The following PPARG variants were observed in gnomAD, a reference collection of about 807,000 sequenced individuals.
The protein encoded by PPARG is peroxisome proliferator activated receptor gamma, also known as peroxisome proliferator-activated receptor gamma.
PPARG carries 17 observed loss-of-function variants against 39.2 expected under a neutral mutation model. That is an observed-to-expected ratio of 0.43 (90% CI 0.30 to 0.65). PPARG has a LOEUF of 0.65. Among genes scored for constraint, PPARG ranks in the 30% least tolerant of loss-of-function variants. PPARG has a pLI of 0.13. For synonymous variants in PPARG, 223 were observed against 215.7 expected (o/e 1.03, Z -0.30); for missense variants, 406 against 585.9 (o/e 0.69, Z 3.17).
intron 2 of PPARG, among the ~76,000 whole-genome samples, chr3:12,347,631 G>A (rs914175421): frequency 5.9e-5 from 9 of 152,172 alleles, no homozygotes; most frequent in African/African-American, 2.2e-4. Context: ...GGAGAAGTGA[G>A]CTTGGCTGGT....
chr3:12,347,087 G>C (rs1002064225), intron 2 of PPARG, among the ~76,000 whole-genome samples: 1 of 151,994 alleles, frequency 6.6e-6, no homozygotes, highest in Non-Finnish European at 1.5e-5. Context: ...AGAGACTGAG[G>C]CAGGAGAATT....
intron 2 of PPARG, among the ~76,000 whole-genome samples, chr3:12,376,674 G>A (rs76594186): frequency 0.012 from 1,864 of 152,262 alleles, 15 homozygotes; most frequent in Non-Finnish European, 0.019. Context: ...AGAAGAAAAG[G>A]TAGGATGTAC....
At chr3:12,382,499 C>T (rs1041013424) in intron 4 of PPARG, among the ~76,000 whole-genome samples, 6 of 152,142 alleles carry the variant, frequency 3.9e-5, no homozygotes, top group East Asian at 1.9e-4. Flanking sequence ...TTTTATTCAA[C>T]GTAAAGATAC....
At chr3:12,297,734 G>A (rs1559483394) in intron 1 of PPARG, 1 of 152,052 alleles carries the variant, frequency 6.6e-6, no homozygotes, top group Non-Finnish European at 1.5e-5. Flanking sequence ...TTGATCTTTA[G>A]CATATGCTGG....
At chr3:12,356,361 T>G (rs1425218101) in intron 2 of PPARG, among the ~76,000 whole-genome samples, 1 of 152,220 alleles carries the variant, frequency 6.6e-6, no homozygotes, top group African/African-American at 2.4e-5. Flanking sequence ...CAAGATCACG[T>G]GGCTATTTGA....
chr3:12,429,552 CA>C (rs753288907), intron 7 of PPARG, among the ~76,000 whole-genome samples: 24,699 of 99,152 alleles, frequency 0.25, 2,131 homozygotes, highest in East Asian at 0.38. Context: ...CTGTCTCTAC[CA>C]AAAAAAAAAA....
chr3:12,300,901 C>T (rs2046909360), intron 1 of PPARG, among the ~76,000 whole-genome samples: 1 of 152,168 alleles, frequency 6.6e-6, no homozygotes, highest in African/African-American at 2.4e-5. Context: ...GCACTATATA[C>T]ACTTTTTAAT....
intron 5 of PPARG, among the ~76,000 whole-genome samples, chr3:12,405,014 G>A (rs115620686): frequency 2.8e-4 from 43 of 152,258 alleles, no homozygotes; most frequent in African/African-American, 9.9e-4. Context: ...TGGACATGAT[G>A]GCCAGGTACC....
At chr3:12,431,094 C>T (rs1046027747) in intron 7 of PPARG, among the ~76,000 whole-genome samples, 5 of 151,924 alleles carry the variant, frequency 3.3e-5, no homozygotes, top group East Asian at 1.9e-4. Flanking sequence ...GAAATCAATA[C>T]GAGATAGATG....
intron 5 of PPARG, among the ~76,000 whole-genome samples, chr3:12,398,325 C>A (rs185086819): frequency 1.3e-5 from 2 of 152,204 alleles, no homozygotes; most frequent in East Asian, 3.9e-4. Flanking sequence ...TGAATAAAAG[C>A]GCCTGAAGGG....
intron 6 of PPARG, among the ~76,000 whole-genome samples, chr3:12,412,197 T>C (rs889788689): frequency 6.6e-5 from 10 of 152,340 alleles, no homozygotes; most frequent in African/African-American, 2.4e-4. Flanking sequence ...TCATGTATAA[T>C]ACCTTTCATA....
At chr3:12,303,841 T>C (rs896261856) in intron 1 of PPARG, among the ~76,000 whole-genome samples, 8 of 152,264 alleles carry the variant, frequency 5.3e-5, no homozygotes, top group Admixed American at 2.6e-4. Flanking sequence ...TCAGGTCTTG[T>C]GTAACTAAGG....
At chr3:12,336,129 T>A (rs954989536) in intron 2 of PPARG, among the ~76,000 whole-genome samples, 1 of 152,052 alleles carries the variant, frequency 6.6e-6, no homozygotes, top group African/African-American at 2.4e-5. Context: ...GAAGTGGGAG[T>A]TATGAGAATG....
chr3:12,367,451 G>T (rs4135317), intron 2 of PPARG, among the ~76,000 whole-genome samples: 2,615 of 152,224 alleles, frequency 0.017, 79 homozygotes, highest in African/African-American at 0.059. Flanking sequence ...TTATATTGGT[G>T]AGGGCATAAT....
chr3:12,384,453 T>C (rs2049799904), intron 4 of PPARG, among the ~76,000 whole-genome samples: 1 of 152,138 alleles, frequency 6.6e-6, no homozygotes, highest in Admixed American at 6.6e-5. Flanking sequence ...TTTTTTTGAA[T>C]TCTTATTCTG....
chr3:12,339,519 C>T lies in PPARG; in HGVS notation c.-9+27066C>T, dbSNP rs112330984. Among the ~76,000 whole-genome samples, 399 of 152,292 alleles carry T rather than the reference C, an allele frequency of 2.6e-3. 1 individual carries two copies. Among genetic ancestry groups the T allele is most frequent in the Non-Finnish European group, 4.3e-3 (295 of 68,012 alleles). ...GCTTTTTATGAAGACTTCTAGATCTCCTAAGAATATTTAGGTATCAGATAT... is the reference window on the plus strand; with the variant it reads ...GCTTTTTATGAAGACTTCTAGATCTTCTAAGAATATTTAGGTATCAGATAT... On this transcript the variant is annotated intron_variant, in intron 2 of 7. Transcript: ENST00000651735.
intron 2 of PPARG, chr3:12,328,083 T>G (rs997198468): frequency 3.4e-6 from 5 of 1,484,478 alleles, no homozygotes; most frequent in East Asian, 4.5e-5. Context: ...TAGATGAGAC[T>G]AACATGTATG....
chr3:12,396,342 G>A (rs962918641), intron 5 of PPARG, among the ~76,000 whole-genome samples: 2 of 152,012 alleles, frequency 1.3e-5, no homozygotes, highest in African/African-American at 2.4e-5. Flanking sequence ...AGATGGTCTC[G>A]AACTCCTGAC....
chr3:12,376,013 G>C (rs1479589872), intron 2 of PPARG, among the ~76,000 whole-genome samples: 4 of 151,058 alleles, frequency 2.6e-5, no homozygotes, highest in Non-Finnish European at 5.9e-5. Flanking sequence ...GCAGTGGCGT[G>C]ATCTCAGCTC....
Sources: allele counts gnomAD v4.1 joint callset (sites outside exome capture counted in the v4.1 genomes callset), GRCh38; gene constraint gnomAD v4.1.1; transcripts MANE v1.5; gene names NCBI Gene and HGNC (gene_info 2026-07-23, HGNC 2026-07-21).